XRRA1: variants seen among roughly 807,000 people sequenced by gnomAD.
XRRA1 encodes X-ray radiation resistance-associated protein 1.
XRRA1 carries 69 observed loss-of-function variants against 80.2 expected under a neutral mutation model. The ratio of observed to expected loss-of-function variants is 0.86; its 90% CI spans 0.71 to 1.05. The LOEUF is 1.05. XRRA1 is among the 50% of genes least tolerant of loss of function. The pLI, the probability that XRRA1 is intolerant of heterozygous loss-of-function variation, is 0.00. For missense variants in XRRA1, 967 were observed against 976.4 expected, an observed-to-expected ratio of 0.99 and a Z score of 0.13; for synonymous variants, 348 against 389.9, an observed-to-expected ratio of 0.89 and a Z score of 1.27.
intron 12 of XRRA1, among the ~76,000 whole-genome samples, chr11:74,858,559 C>A (rs371113971): frequency 6.6e-6 from 1 of 152,172 alleles, no homozygotes; most frequent in Non-Finnish European, 1.5e-5. Flanking sequence ...TGGGATTTTA[C>A]AGAAAACCAA....
At chr11:74,926,310 C>A (rs1338866220) in intron 7 of XRRA1, among the ~76,000 whole-genome samples, 2 of 152,210 alleles carry the variant, frequency 1.3e-5, no homozygotes, top group Non-Finnish European at 2.9e-5. Context: ...CTGAAAAACT[C>A]ACTCTTGTAG....
chr11:74,861,181 T>C (rs2042216825), intron 11 of XRRA1, among the ~76,000 whole-genome samples: 1 of 152,236 alleles, frequency 6.6e-6, no homozygotes, highest in South Asian at 2.1e-4. Flanking sequence ...CCTTTTCATT[T>C]GGCTGGTCCT....
intron 1 of XRRA1, among the ~76,000 whole-genome samples, chr11:74,946,107 G>A (rs760028147): frequency 3.9e-5 from 6 of 152,024 alleles, no homozygotes; most frequent in South Asian, 2.1e-4. Flanking sequence ...GACCACAGAC[G>A]TGTGCTACCA....
At chr11:74,907,122 C>T (rs1565377532) in intron 9 of XRRA1, 23 bp downstream of exon 9, 2 of 1,612,570 alleles carry the variant, frequency 1.2e-6, no homozygotes, top group East Asian at 4.5e-5. Flanking sequence ...GGAGGCCCAG[C>T]AGAGAAAGGC....
At chr11:74,895,058 AAC>A (rs759271426) in intron 10 of XRRA1, among the ~76,000 whole-genome samples, 2 of 152,098 alleles carry the variant, frequency 1.3e-5, no homozygotes, top group African/African-American at 4.8e-5. Flanking sequence ...ACCAAATTTT[AAC>A]AGTTATCTAC....
intron 11 of XRRA1, among the ~76,000 whole-genome samples, chr11:74,860,874 C>A (rs1026277632): frequency 3.3e-5 from 5 of 152,166 alleles, no homozygotes; most frequent in African/African-American, 1.2e-4. Flanking sequence ...TATGCAGGAC[C>A]CCTTGAGTCA....
At position 74,903,263 on chromosome 11, in the gene XRRA1, T is replaced by C. The variant is rs530501950; in HGVS notation, c.1003+2976A>G. Among the ~76,000 whole-genome samples the C allele has an allele frequency of 2.0e-5, 3 of 152,336 alleles. No individual in the cohort carries two copies. The South Asian group carries it at 6.2e-4, about 32-fold the overall frequency. ...CTCCAGGAAAACCCTGGCACAGTGGTATATGCAAAAGATGTTCACAAGGTT... is the reference window on the plus strand; with the variant it reads ...CTCCAGGAAAACCCTGGCACAGTGGCATATGCAAAAGATGTTCACAAGGTT... On this transcript the variant is annotated intron_variant, in intron 10 of 18. Coordinates refer to ENST00000684022, the MANE Select transcript of XRRA1 (RefSeq NM_001378157.1).
chr11:74,865,460 CAG>C (rs2043201266), intron 10 of XRRA1, among the ~76,000 whole-genome samples: 1 of 152,206 alleles, frequency 6.6e-6, no homozygotes, highest in Non-Finnish European at 1.5e-5. Flanking sequence ...CCTCTACAAT[CAG>C]GGAATTATTC....
intron 10 of XRRA1, among the ~76,000 whole-genome samples, chr11:74,899,490 T>C (rs529372319): frequency 2.6e-5 from 4 of 151,962 alleles, no homozygotes; most frequent in African/African-American, 9.7e-5. Flanking sequence ...TTTGAAAAGA[T>C]AAACAAAATT....
At chr11:74,942,506 A>G (rs1261298381) in intron 2 of XRRA1, among the ~76,000 whole-genome samples, 1 of 152,222 alleles carries the variant, frequency 6.6e-6, no homozygotes, top group Non-Finnish European at 1.5e-5. Context: ...AAGGTGCCTG[A>G]GGAACACGTA....
intron 4 of XRRA1, 79 bp downstream of exon 4, chr11:74,936,805 C>T (rs976273625): frequency 5.4e-6 from 8 of 1,475,374 alleles, no homozygotes; most frequent in African/African-American, 1.4e-5. Flanking sequence ...GTAGTTGTGC[C>T]AGAGCAGGGC....
intron 3 of XRRA1, among the ~76,000 whole-genome samples, chr11:74,939,058 TAAGA>T (rs1945734931): frequency 1.3e-5 from 2 of 152,184 alleles, no homozygotes; most frequent in African/African-American, 4.8e-5. Context: ...AATTCTACTA[TAAGA>T]AAGAGCTGGC....
chr11:74,941,908 G>A (rs1358465033), intron 2 of XRRA1, among the ~76,000 whole-genome samples: 1 of 152,104 alleles, frequency 6.6e-6, no homozygotes, highest in Non-Finnish European at 1.5e-5. Context: ...CATTTCATGT[G>A]TGGACACAGC....
chr11:74,888,555 A>T (rs1044203452), intron 10 of XRRA1, among the ~76,000 whole-genome samples: 3 of 152,242 alleles, frequency 2.0e-5, no homozygotes, highest in Non-Finnish European at 4.4e-5. Context: ...GCAACGGAAC[A>T]AAGCTGGATG....
At chr11:74,879,699 T>C (rs1451564883) in intron 10 of XRRA1, among the ~76,000 whole-genome samples, 2 of 150,930 alleles carry the variant, frequency 1.3e-5, no homozygotes, top group East Asian at 1.9e-4. Flanking sequence ...TGTCAAAGGC[T>C]TTTTCTGCAT....
At chr11:74,876,162 G>A (rs2046001123) in intron 10 of XRRA1, 1 of 152,142 alleles carries the variant, frequency 6.6e-6, no homozygotes. Flanking sequence ...TAAGACAGCT[G>A]TCACATAAGG....
At chr11:74,905,031 A>G (rs1340088303) in intron 10 of XRRA1, among the ~76,000 whole-genome samples, 3 of 152,164 alleles carry the variant, frequency 2.0e-5, no homozygotes, top group East Asian at 1.9e-4. Context: ...TCTGAATAAC[A>G]TAATTGTGCC....
At chr11:74,882,186 T>A (rs575593324) in intron 10 of XRRA1, among the ~76,000 whole-genome samples, 2 of 152,184 alleles carry the variant, frequency 1.3e-5, no homozygotes, top group Non-Finnish European at 2.9e-5. Context: ...TAGTCCCATA[T>A]TTCTTGGAGG....
intron 10 of XRRA1, among the ~76,000 whole-genome samples, chr11:74,895,532 T>C (rs2052070457): frequency 6.6e-6 from 1 of 152,166 alleles, no homozygotes; most frequent in African/African-American, 2.4e-5. Flanking sequence ...CTCCTAGTGT[T>C]AGGCTGGGCT....
Sources: gnomAD v4.1 joint callset for allele counts (sites outside exome capture counted in the v4.1 genomes callset) on GRCh38, gnomAD v4.1.1 for gene constraint, MANE v1.5 for transcripts, NCBI Gene and HGNC (gene_info 2026-07-23, HGNC 2026-07-21) for gene names.